The following SUPT3H variants were observed in gnomAD, a reference collection of about 807,000 sequenced individuals.
SUPT3H encodes transcription initiation protein SPT3 homolog.
Under a neutral mutation model 44.3 loss-of-function variants are expected in SUPT3H, and 44 were observed. The ratio of observed to expected loss-of-function variants is 0.99; its 90% confidence interval spans 0.78 to 1.28. The LOEUF is 1.28. Among genes scored for constraint, SUPT3H ranks in the 50% most tolerant of loss-of-function variants. SUPT3H has a pLI of 0.00. For synonymous variants in SUPT3H, 124 were observed against 125.6 expected, an observed-to-expected ratio of 0.99 and a Z score of 0.09; for missense variants, 380 against 387.1, an observed-to-expected ratio of 0.98 and a Z score of 0.15.
intron 2 of SUPT3H, among the ~76,000 whole-genome samples, chr6:45,201,468 T>A (rs553547366): frequency 6.6e-6 from 1 of 151,922 alleles, no homozygotes; most frequent in African/African-American, 2.4e-5. Context: ...ATATTCCCAT[T>A]TTTAAAAATA....
At chr6:45,162,842 G>T (rs1043517703) in intron 2 of SUPT3H, among the ~76,000 whole-genome samples, 1 of 152,058 alleles carries the variant, frequency 6.6e-6, no homozygotes, top group Non-Finnish European at 1.5e-5. Flanking sequence ...AAGATCAAAT[G>T]GGGGAAAATG....
At chr6:45,260,227 C>G (rs936234875) in intron 2 of SUPT3H, among the ~76,000 whole-genome samples, 30 of 152,156 alleles carry the variant, frequency 2.0e-4, no homozygotes, top group African/African-American at 7.2e-4. Flanking sequence ...AAACTACATT[C>G]TACGCAGGGA....
intron 3 of SUPT3H, among the ~76,000 whole-genome samples, chr6:45,085,841 T>C (rs1239995357): frequency 6.6e-6 from 1 of 152,084 alleles, no homozygotes; most frequent in African/African-American, 2.4e-5. Context: ...TAATTTTTGC[T>C]TGTCTGGGGA....
At chr6:45,347,294 G>A (rs1348885674) in intron 2 of SUPT3H, among the ~76,000 whole-genome samples, 1 of 152,050 alleles carries the variant, frequency 6.6e-6, no homozygotes, top group Non-Finnish European at 1.5e-5. Flanking sequence ...CGATTTCACT[G>A]ATATATATAT....
At chr6:45,113,024 A>T (rs1276530366) in intron 2 of SUPT3H, among the ~76,000 whole-genome samples, 1 of 150,638 alleles carries the variant, frequency 6.6e-6, no homozygotes, top group Admixed American at 6.6e-5. Flanking sequence ...CAGGTAATTG[A>T]CATTACTTTA....
intron 3 of SUPT3H, among the ~76,000 whole-genome samples, chr6:45,052,129 G>T (rs1790397681): frequency 6.6e-6 from 1 of 152,144 alleles, no homozygotes; most frequent in African/African-American, 2.4e-5. Context: ...CTGATAGAAT[G>T]ATATATTTAG....
chr6:45,275,736 G>C (rs1379823011), intron 2 of SUPT3H, among the ~76,000 whole-genome samples: 1 of 151,786 alleles, frequency 6.6e-6, no homozygotes, highest in Non-Finnish European at 1.5e-5. Context: ...GGGGAAGTTG[G>C]GTGAAGAGAA....
At chr6:45,129,620 T>C (rs1475947876) in intron 2 of SUPT3H, among the ~76,000 whole-genome samples, 1 of 152,240 alleles carries the variant, frequency 6.6e-6, no homozygotes, top group Non-Finnish European at 1.5e-5. Flanking sequence ...TTTTTTGTAC[T>C]AGTTAGGCAG....
chr6:45,145,449 A>G (rs1217050388), intron 2 of SUPT3H, among the ~76,000 whole-genome samples: 1 of 152,168 alleles, frequency 6.6e-6, no homozygotes, highest in East Asian at 1.9e-4. Context: ...TGGTGCTGGG[A>G]TAACTGGCAA....
At chr6:45,100,541 T>TAAAAAAAAA (rs58120512) in intron 3 of SUPT3H, among the ~76,000 whole-genome samples, 1,404 of 33,338 alleles carry the variant, frequency 0.042, 260 homozygotes, top group African/African-American at 0.11. Context: ...ACCCTGTACT[T>TAAAAAAAAA]AAAAAAAAAA....
intron 2 of SUPT3H, among the ~76,000 whole-genome samples, chr6:45,187,794 G>A (rs1040567754): frequency 6.6e-6 from 1 of 152,174 alleles, no homozygotes; most frequent in Non-Finnish European, 1.5e-5. Flanking sequence ...CATGAACTTA[G>A]ATGCAAAATC....
chr6:45,373,290 C>T (rs532222993), intron 1 of SUPT3H, among the ~76,000 whole-genome samples: 1 of 152,176 alleles, frequency 6.6e-6, no homozygotes, highest in South Asian at 2.1e-4. Flanking sequence ...TACCCATTAA[C>T]TATGGGCCAG....
At chr6:45,290,559 T>A (rs1780154135) in intron 2 of SUPT3H, among the ~76,000 whole-genome samples, 1 of 152,062 alleles carries the variant, frequency 6.6e-6, no homozygotes, top group African/African-American at 2.4e-5. Context: ...TATATACTCC[T>A]TTAAACATCA....
At chr6:44,941,999 G>T (rs533000650) in intron 9 of SUPT3H, among the ~76,000 whole-genome samples, 3 of 152,158 alleles carry the variant, frequency 2.0e-5, no homozygotes, top group Admixed American at 6.5e-5. Flanking sequence ...GACATAGACT[G>T]GGATAATACT....
intron 10 of SUPT3H, among the ~76,000 whole-genome samples, chr6:44,891,208 C>T (rs534530754): frequency 1.1e-4 from 17 of 152,106 alleles, no homozygotes; most frequent in African/African-American, 1.7e-4. Flanking sequence ...GAAAACAGTT[C>T]GGTGGTTCTT....
At chr6:44,889,461 A>G (rs1334168803) in intron 10 of SUPT3H, among the ~76,000 whole-genome samples, 2 of 152,218 alleles carry the variant, frequency 1.3e-5, no homozygotes, top group Non-Finnish European at 2.9e-5. Flanking sequence ...AACACCGCAT[A>G]TCTGCAACTA....
chr6:44,832,429 AAG>A (rs1277445836), intron 10 of SUPT3H, among the ~76,000 whole-genome samples: 3 of 152,128 alleles, frequency 2.0e-5, no homozygotes, highest in African/African-American at 4.8e-5. Context: ...TTTGACCAGA[AAG>A]AGTCAGGACT....
At chr6:45,035,379 G>GT (rs534138165) in intron 3 of SUPT3H, among the ~76,000 whole-genome samples, 64 of 152,214 alleles carry the variant, frequency 4.2e-4, no homozygotes, top group African/African-American at 1.5e-3. Flanking sequence ...GTCTGGTACT[G>GT]TTTATTATCA....
chr6:44,881,375 C>T (rs1435340569), intron 10 of SUPT3H, among the ~76,000 whole-genome samples: 2 of 151,954 alleles, frequency 1.3e-5, no homozygotes, highest in African/African-American at 4.8e-5. Flanking sequence ...CTGGAGCACC[C>T]AGATTCATAA....
Sources: gnomAD v4.1 joint callset for allele counts (sites outside exome capture counted in the v4.1 genomes callset) on GRCh38, gnomAD v4.1.1 for gene constraint, MANE v1.5 for transcripts, NCBI Gene and HGNC (gene_info 2026-07-23, HGNC 2026-07-21) for gene names.